The following CDIN1 variants were observed in gnomAD, a reference collection of about 807,000 sequenced individuals.
CDIN1 encodes CDAN1 interacting nuclease 1, also known as CDAN1-interacting nuclease 1.
In CDIN1, 33 loss-of-function variants were observed where a neutral mutation model predicts 45.3. The ratio of observed to expected loss-of-function variants is 0.73; its 90% confidence interval spans 0.55 to 0.97. CDIN1 has a LOEUF of 0.97. Among genes scored for constraint, CDIN1 ranks in the 50% least tolerant of loss-of-function variants. The probability of loss-of-function intolerance (pLI) is 0.00; values close to 1 mark genes in which losing one functional copy is unlikely to be tolerated. For missense variants in CDIN1, 303 were observed against 339.4 expected, an observed-to-expected ratio of 0.89 and a Z score of 0.84; for synonymous variants, 118 against 124.4, an observed-to-expected ratio of 0.95 and a Z score of 0.34.
At chr15:36,596,588 G>A (rs1023558782) in intron 1 of CDIN1, among the ~76,000 whole-genome samples, 13 of 152,052 alleles carry the variant, frequency 8.5e-5, no homozygotes, top group African/African-American at 3.1e-4. Flanking sequence ...GATATAAAGT[G>A]CTCTTATGTA....
chr15:36,788,093 TATATATATA>T (rs1566973669), intron 10 of CDIN1, among the ~76,000 whole-genome samples: 66 of 40,776 alleles, frequency 1.6e-3, no homozygotes, highest in African/African-American at 2.9e-3. Flanking sequence ...TATATATATA[TATATATATA>T]TATATTTTTT....
intron 1 of CDIN1, among the ~76,000 whole-genome samples, chr15:36,583,973 G>A (rs2037172230): frequency 6.6e-6 from 1 of 152,020 alleles, no homozygotes; most frequent in African/African-American, 2.4e-5. Context: ...CTGAGATGGC[G>A]CCACTGCACT....
At chr15:36,761,527 C>T (rs1248314808) in intron 10 of CDIN1, among the ~76,000 whole-genome samples, 2 of 152,162 alleles carry the variant, frequency 1.3e-5, no homozygotes, top group East Asian at 3.8e-4. Flanking sequence ...GAGAGGAAAT[C>T]AGGGGAAATG....
At chr15:36,746,669 C>CCACG (rs1555403572) in intron 10 of CDIN1, among the ~76,000 whole-genome samples, 56 of 141,496 alleles carry the variant, frequency 4.0e-4, no homozygotes, top group African/African-American at 1.5e-3. Context: ...ATATATGGTT[C>CCACG]CACACACACA....
chr15:36,754,124 C>A (rs941852123), intron 10 of CDIN1, among the ~76,000 whole-genome samples: 1 of 152,126 alleles, frequency 6.6e-6, no homozygotes, highest in African/African-American at 2.4e-5. Context: ...GTTTCTCTCT[C>A]CATTCCTTCC....
chr15:36,618,760 CCAAA>C, intron 1 of CDIN1: 2 of 582,440 alleles, frequency 3.4e-6, no homozygotes, highest in South Asian at 2.0e-5. Flanking sequence ...CACAACTCAG[CCAAA>C]AAAAAAAAAA....
rs1024987256 is a variant in CDIN1 at position 36,809,146 on chromosome 15, C to T, written c.*693C>T. 3.7e-5 allele frequency: 12 copies of T among 321,732 alleles called. No homozygotes were observed. Among genetic ancestry groups the T allele is most frequent in the Non-Finnish European group, 7.4e-5 (12 of 162,796 alleles). 19.9% of individuals were successfully genotyped at this position (321,732 alleles called of 1,614,324 possible). ...TCTTTTAATAATGTTATTTGAACAC[C>T]ACATATTTTAGATTTATCTTATTTG... On this transcript the variant is annotated 3_prime_UTR_variant, in exon 11 of 11. Coordinates refer to ENST00000566621, the MANE Select transcript of CDIN1 (RefSeq NM_001321759.2).
In CDIN1 at chr15:36,808,486, A is replaced by C; in HGVS notation, c.*33A>C. On this transcript the variant is annotated 3_prime_UTR_variant, in exon 11 of 11. Transcript: ENST00000566621. ...GATCCTGGAAGAGAAGCTGGGAGGA[A>C]AAGGTGAATCCGGAAGCAATTTTAC... The C allele has an allele frequency of 6.2e-7, 1 of 1,611,520 alleles. No individual in the cohort carries two copies. The highest frequency in any genetic ancestry group is 8.5e-7 in the Non-Finnish European group (1 of 1,178,586).
chr15:36,690,936 T>A (rs2042226364), intron 5 of CDIN1, among the ~76,000 whole-genome samples: 1 of 152,168 alleles, frequency 6.6e-6, no homozygotes, highest in African/African-American at 2.4e-5. Context: ...GGATGTCACT[T>A]GCTATAGCAC....
Position 36,760,411 on chromosome 15 carries a change from A to C in CDIN1, c.717-47913A>C, listed in dbSNP as rs369410576. Among the ~76,000 whole-genome samples, 5 of 152,214 alleles carry C rather than the reference A, an allele frequency of 3.3e-5. No individual in the cohort carries two copies. In the East Asian group the frequency reaches 7.7e-4, roughly 23 times the overall value. On this transcript the variant is annotated intron_variant, in intron 10 of 10. Coordinates refer to ENST00000566621, the MANE Select transcript of CDIN1 (RefSeq NM_001321759.2). ...ATATTCAACTAAAAGAACTGTTTTC[A>C]TGATGCCAAGACATTTTCATTTATC...
At chr15:36,657,785 TG>T (rs1481776475) in intron 4 of CDIN1, 47 bp from the exon 5 acceptor site, 1 of 1,466,368 alleles carries the variant, frequency 6.8e-7, no homozygotes, top group African/African-American at 1.4e-5. Flanking sequence ...GAGTATCCAC[TG>T]CTCGCACAAC....
chr15:36,682,962 A>G (rs913585066), intron 5 of CDIN1, among the ~76,000 whole-genome samples: 4 of 152,190 alleles, frequency 2.6e-5, no homozygotes, highest in African/African-American at 9.7e-5. Context: ...GTGTAAAAAA[A>G]GAGCAGATAG....
chr15:36,613,532 G>T, intron 1 of CDIN1: 2 of 1,523,594 alleles, frequency 1.3e-6, no homozygotes, highest in Non-Finnish European at 1.8e-6. Flanking sequence ...GCAGCAGCAG[G>T]CAGATGATGC....
chr15:36,662,036 A>G (rs2041036473), intron 5 of CDIN1, among the ~76,000 whole-genome samples: 1 of 152,232 alleles, frequency 6.6e-6, no homozygotes, highest in Admixed American at 6.5e-5. Flanking sequence ...GAGTCTGAAT[A>G]TAAGGCAGAT....
chr15:36,754,719 T>C lies in CDIN1; in HGVS notation c.716+44758T>C, dbSNP rs373475764. 3.3e-5 allele frequency among the ~76,000 whole-genome samples: 5 copies of C among 152,056 alleles called. No individual in the cohort carries two copies. The East Asian group carries it at 7.7e-4, about 23-fold the overall frequency. ...AAAAGGCCATAAAGAAAAACAATTA[T>C]ATAATTGTTTTTAAAGAACGCAGAA... On this transcript the variant is annotated intron_variant, in intron 10 of 10. Coordinates refer to ENST00000566621, the MANE Select transcript of CDIN1 (RefSeq NM_001321759.2).
At chr15:36,662,059 A>G (rs2140487697) in intron 5 of CDIN1, among the ~76,000 whole-genome samples, 1 of 152,320 alleles carries the variant, frequency 6.6e-6, no homozygotes. Flanking sequence ...AAATTTCTGA[A>G]GAACCATTGA....
At chr15:36,662,854 GTTTTTTTT>G (rs34007525) in intron 5 of CDIN1, among the ~76,000 whole-genome samples, 5 of 122,944 alleles carry the variant, frequency 4.1e-5, no homozygotes, top group African/African-American at 9.2e-5. Context: ...TCAGATTTTA[GTTTTTTTT>G]TTTTTTTTTT....
chr15:36,751,224 TTATTTTATATATATA>T (rs2140970375), intron 10 of CDIN1, among the ~76,000 whole-genome samples: 1 of 90,884 alleles, frequency 1.1e-5, no homozygotes, highest in African/African-American at 4.1e-5. Context: ...ATATATATGC[TTATTTTATATATATA>T]TATATATATA....
At chr15:36,704,498 A>G (rs1379706360) in intron 8 of CDIN1, 1 of 151,972 alleles carries the variant, frequency 6.6e-6, no homozygotes, top group Non-Finnish European at 1.5e-5. Flanking sequence ...AGGCTGTGAA[A>G]CTTACTCTTA....
Sources: gnomAD v4.1 joint callset for allele counts (sites outside exome capture counted in the v4.1 genomes callset) on GRCh38, gnomAD v4.1.1 for gene constraint, MANE v1.5 for transcripts, NCBI Gene and HGNC (gene_info 2026-07-23, HGNC 2026-07-21) for gene names.